BMP8B: variants seen among roughly 807,000 people sequenced by gnomAD.
The protein encoded by BMP8B is bone morphogenetic protein 8 (osteogenic protein 2).
In BMP8B, 17 loss-of-function variants were observed where a neutral mutation model predicts 30.3. That is an observed-to-expected ratio of 0.56 (90% confidence interval 0.38 to 0.84). The LOEUF (loss-of-function observed/expected upper bound fraction) is 0.84, where lower values mean the gene tolerates loss of function less well. BMP8B is among the 40% of genes least tolerant of loss of function. The pLI, the probability that BMP8B is intolerant of heterozygous loss-of-function variation, is 0.00. For synonymous variants in BMP8B, 131 were observed against 214.7 expected (o/e 0.61, Z 3.41); for missense variants, 253 against 494.6 (o/e 0.51, Z 4.63).
In BMP8B at chr1:39,762,595, A is replaced by C. The variant is rs1206540275; in HGVS notation, c.1059+497T>G. 5 of 1,550,302 alleles carry C rather than the reference A, an allele frequency of 3.2e-6. No homozygotes were observed. The South Asian group carries it at 4.8e-5, about 15-fold the overall frequency. On this transcript the variant is annotated intron_variant, in intron 6 of 6. Coordinates refer to ENST00000372827, the MANE Select transcript of BMP8B (RefSeq NM_001720.5). The stretch of plus-strand genomic sequence containing the variant: ...TGGCCAAGAGAGAAACTGGGGGAAA[A>C]GCCAAAAGGTTGAGAGCCACACCAT...
At chr1:39,762,651 G>A (rs1649153498) in intron 6 of BMP8B, 3 of 1,539,730 alleles carry the variant, frequency 1.9e-6, no homozygotes. Flanking sequence ...GTGCGGCACA[G>A]GTGGGTGAGT....
intron 3 of BMP8B, among the ~76,000 whole-genome samples, chr1:39,768,348 C>T (rs2124449823): frequency 9.3e-6 from 1 of 107,846 alleles, no homozygotes; most frequent in Middle Eastern, 5.6e-3. Flanking sequence ...ACAGAGGAAG[C>T]TTCCTGGTGG....
intron 3 of BMP8B, among the ~76,000 whole-genome samples, chr1:39,768,564 A>G (rs1170017324): frequency 6.7e-6 from 1 of 149,502 alleles, no homozygotes; most frequent in African/African-American, 2.5e-5. Flanking sequence ...GATAACGGAT[A>G]AAAACGTTCA....
chr1:39,787,200 T>C (rs1200914999), intron 1 of BMP8B, among the ~76,000 whole-genome samples: 4 of 149,870 alleles, frequency 2.7e-5, no homozygotes, highest in African/African-American at 9.8e-5. Context: ...GATGAAGAAT[T>C]AATGATGCTG....
intron 6 of BMP8B, among the ~76,000 whole-genome samples, chr1:39,760,862 C>T (rs1400103178): frequency 1.3e-5 from 2 of 152,130 alleles, no homozygotes; most frequent in South Asian, 2.1e-4. Context: ...AGACTTCCTC[C>T]TGGGGATAAT....
At chr1:39,771,492 A>G in intron 3 of BMP8B, 1 of 494,172 alleles carries the variant, frequency 2.0e-6, no homozygotes, top group Non-Finnish European at 3.4e-6. Context: ...GCCCGGGCGC[A>G]GGACAGAGCT....
rs559720593 is a variant in BMP8B at position 39,781,882 on chromosome 1, C to G, written c.334+6270G>C. 5.3e-5 allele frequency among the ~76,000 whole-genome samples: 8 copies of G among 152,292 alleles called. No homozygotes were observed. The East Asian group carries it at 1.4e-3, about 26-fold the overall frequency. ...AATCAATACCTAGAGAAGGGTAGGG[C>G]GTGGTGGCTCTCGCCTGTAATCCCA... On this transcript the variant is annotated intron_variant, in intron 1 of 6. Coordinates refer to ENST00000372827, the MANE Select transcript of BMP8B (RefSeq NM_001720.5).
intron 1 of BMP8B, among the ~76,000 whole-genome samples, chr1:39,787,078 C>T (rs779352703): frequency 3.3e-5 from 5 of 152,256 alleles, no homozygotes; most frequent in Non-Finnish European, 5.9e-5. Context: ...TGTCCTGGCT[C>T]AGCAGCGTAG....
At chr1:39,782,997 A>G (rs1650754073) in intron 1 of BMP8B, among the ~76,000 whole-genome samples, 1 of 152,012 alleles carries the variant, frequency 6.6e-6, no homozygotes, top group African/African-American at 2.4e-5. Context: ...AGGTTTCACC[A>G]TGTTGGCCAG....
At chr1:39,782,748 C>T (rs572517648) in intron 1 of BMP8B, among the ~76,000 whole-genome samples, 5 of 151,452 alleles carry the variant, frequency 3.3e-5, no homozygotes, top group African/African-American at 1.2e-4. Context: ...GGATTACAGA[C>T]GTGAGCTTCC....
intron 3 of BMP8B, chr1:39,771,323 A>G (rs1358748669): frequency 7.3e-7 from 1 of 1,365,846 alleles, no homozygotes; most frequent in Non-Finnish European, 9.5e-7. Context: ...CGCGCGTCAC[A>G]GAGCAGGGCG....
In BMP8B at chr1:39,760,576, G is replaced by C; in HGVS notation, c.1060-8C>G. On this transcript the variant is annotated splice_polypyrimidine_tract_variant and splice_region_variant and intron_variant, in intron 6 of 6. Coordinates refer to ENST00000372827, the MANE Select transcript of BMP8B (RefSeq NM_001720.5). ...TGGCATCATCAGGTGCACCTGGCCAGGAAGAGGGCACAGGCAGGGGCATGA... is the reference window on the plus strand; with the variant it reads ...TGGCATCATCAGGTGCACCTGGCCACGAAGAGGGCACAGGCAGGGGCATGA... 1 of 1,613,024 alleles carries C rather than the reference G, an allele frequency of 6.2e-7. No homozygotes were observed. Among genetic ancestry groups the C allele is most frequent in the South Asian group, 1.1e-5 (1 of 91,040 alleles).
chr1:39,771,828 C>G (rs1464055164), intron 3 of BMP8B, among the ~76,000 whole-genome samples: 2 of 145,256 alleles, frequency 1.4e-5, no homozygotes, highest in African/African-American at 5.1e-5. Flanking sequence ...CAGGAAGGGT[C>G]CCTGCTCTGA....
At chr1:39,786,997 T>C (rs979353311) in intron 1 of BMP8B, among the ~76,000 whole-genome samples, 3 of 152,362 alleles carry the variant, frequency 2.0e-5, no homozygotes, top group African/African-American at 4.8e-5. Context: ...TCTCTGCACC[T>C]TGAAAGCCTG....
At chr1:39,779,047 C>T (rs1282890415) in intron 1 of BMP8B, among the ~76,000 whole-genome samples, 1 of 152,166 alleles carries the variant, frequency 6.6e-6, no homozygotes, top group Non-Finnish European at 1.5e-5. Flanking sequence ...AGATTAGAGG[C>T]CTGTGATGTG....
Position 39,775,129 on chromosome 1 carries a change from C to T in BMP8B, c.335-91G>A. 11 of 1,573,050 alleles carry T rather than the reference C, an allele frequency of 7.0e-6. No individual in the cohort carries two copies. In the South Asian group the frequency reaches 1.1e-4, roughly 16 times the overall value. On this transcript the variant is annotated intron_variant, in intron 1 of 6. Coordinates refer to ENST00000372827, the MANE Select transcript of BMP8B (RefSeq NM_001720.5). Reference sequence around the variant, plus strand: ...GTGTGAGCCACCGCCCCCAGCCACCCACCACTCAAGGTGGAGCGGACCCAG... The same window carrying T: ...GTGTGAGCCACCGCCCCCAGCCACCTACCACTCAAGGTGGAGCGGACCCAG...
chr1:39,769,280 A>T lies in BMP8B; in HGVS notation c.674-4463T>A, dbSNP rs529204581. On this transcript the variant is annotated intron_variant, in intron 3 of 6. Transcript: ENST00000372827. Reference sequence around the variant, plus strand: ...CACAAACTCACATCTTTGCTCGCCTATTTCTCACTGCAGTAGTAAAATGTC... The same window carrying T: ...CACAAACTCACATCTTTGCTCGCCTTTTTCTCACTGCAGTAGTAAAATGTC... 1.5e-3 allele frequency among the ~76,000 whole-genome samples: 221 copies of T among 150,932 alleles called. 1 individual carries two copies. Among genetic ancestry groups the T allele is most frequent in the African/African-American group, 5.2e-3 (213 of 41,076 alleles).
intron 3 of BMP8B, among the ~76,000 whole-genome samples, chr1:39,769,042 T>A (rs2124451250): frequency 6.8e-6 from 1 of 146,178 alleles, no homozygotes; most frequent in South Asian, 2.2e-4. Flanking sequence ...TAAAAAAAAA[T>A]AAGCAGGCAT....
Position 39,763,018 on chromosome 1 carries a change from A to G in BMP8B, c.1059+74T>C, listed in dbSNP as rs912811435. ...GAGCAGGTGGCCTCACTGCCCTCCCAGCCAGCTGGACCAGACCCCTCTCCA... is the reference window on the plus strand; with the variant it reads ...GAGCAGGTGGCCTCACTGCCCTCCCGGCCAGCTGGACCAGACCCCTCTCCA... On this transcript the variant is annotated intron_variant, in intron 6 of 6. Coordinates refer to ENST00000372827, the MANE Select transcript of BMP8B (RefSeq NM_001720.5). 28 of 1,555,696 alleles carry G rather than the reference A, an allele frequency of 1.8e-5. No homozygotes were observed. The African/African-American group carries it at 2.0e-4, about 11-fold the overall frequency.
Sources: allele counts gnomAD v4.1 joint callset (sites outside exome capture counted in the v4.1 genomes callset), GRCh38; gene constraint gnomAD v4.1.1; transcripts MANE v1.5; gene names NCBI Gene and HGNC (gene_info 2026-07-23, HGNC 2026-07-21).